The following ZNF185 variants were observed in gnomAD, a reference collection of about 807,000 sequenced individuals.
ZNF185 encodes zinc finger protein 185.
ZNF185 carries 56 observed loss-of-function variants against 58.6 expected under a neutral mutation model. That is an observed-to-expected ratio of 0.95 (90% CI 0.77 to 1.19). The LOEUF is 1.19. ZNF185 is among the 50% of genes most tolerant of loss of function. The probability of loss-of-function intolerance (pLI) is 0.00; values close to 1 mark genes in which losing one functional copy is unlikely to be tolerated. For missense variants in ZNF185, 627 were observed against 573.5 expected (o/e 1.09, Z -0.95); for synonymous variants, 230 against 215.9 (o/e 1.07, Z -0.57).
At chrX:152,967,074 T>C in intron 19 of ZNF185, 93 bp from the exon 22 acceptor site, 1 of 893,352 alleles carries the variant, frequency 1.1e-6, no homozygotes, top group Non-Finnish European at 1.6e-6. Context: ...TAGTTATGTC[T>C]CAGCTTGTGG....
intron 15 of ZNF185, among the ~76,000 whole-genome samples, chrX:152,939,049 G>A (rs1244089797): frequency 9.0e-6 from 1 of 111,640 alleles, no homozygotes; most frequent in Non-Finnish European, 1.9e-5. Context: ...AGTGAGGAGG[G>A]CCACAGATGG....
intron 14 of ZNF185, 132 bp from the exon 17 acceptor site, chrX:152,937,942 G>A: frequency 1.7e-6 from 1 of 571,960 alleles, no homozygotes; most frequent in Non-Finnish European, 2.8e-6. Context: ...CTAATGCCAG[G>A]ACTGAGACAC....
At chrX:152,941,723 C>G (rs782516561) in intron 15 of ZNF185, 1 of 1,164,269 alleles carries the variant, frequency 8.6e-7, no homozygotes. Context: ...CCGCCCGGGA[C>G]GAGCTCGGCC....
At position 152,938,217 on chromosome X, in the gene ZNF185, G is replaced by C. The variant is rs193238890; in HGVS notation, c.1211+54G>C. On this transcript the variant is annotated intron_variant, in intron 15 of 22. Transcript: ENST00000449285. ...TCTGGGGTGGAGAGAGGCAGCTTGGGCTGTGTGTCCATTGGCCTTTGGCTG... is the reference window on the plus strand; with the variant it reads ...TCTGGGGTGGAGAGAGGCAGCTTGGCCTGTGTGTCCATTGGCCTTTGGCTG... The C allele has an allele frequency of 1.3e-3, 1,394 of 1,108,052 alleles. 25 individuals carry two copies. In the African/African-American group the frequency reaches 0.022, roughly 17 times the overall value. 91.3% of individuals were successfully genotyped at this position (1,108,052 alleles called of 1,213,427 possible).
intron 19 of ZNF185, among the ~76,000 whole-genome samples, chrX:152,966,398 T>C (rs1556914733): frequency 9.0e-6 from 1 of 111,410 alleles, no homozygotes; most frequent in Non-Finnish European, 1.9e-5. Flanking sequence ...TGACATGTCA[T>C]CTCACTGGAG....
exon 5 of ZNF185, chrX:152,917,322 C>A (rs781993519): frequency 1.7e-6 from 2 of 1,211,862 alleles, no homozygotes; most frequent in Non-Finnish European, 1.1e-6. Context: ...CTCTTCCCAG[C>A]CCCAGCAGCA....
intron 18 of ZNF185, among the ~76,000 whole-genome samples, chrX:152,965,236 A>T (rs1277117948): frequency 7.1e-5 from 8 of 112,190 alleles, no homozygotes; most frequent in African/African-American, 2.6e-4. Context: ...TGGGGCCCTC[A>T]GTCCAAACAC....
At chrX:152,937,445 G>A (rs1009684078) in intron 14 of ZNF185, among the ~76,000 whole-genome samples, 4 of 111,022 alleles carry the variant, frequency 3.6e-5, no homozygotes, top group Non-Finnish European at 7.5e-5. Flanking sequence ...CCCTGGGCAC[G>A]GGCAAGCCAA....
chrX:152,916,240 T>C (rs1302685796), intron 3 of ZNF185, among the ~76,000 whole-genome samples: 2 of 111,444 alleles, frequency 1.8e-5, no homozygotes, highest in African/African-American at 6.5e-5. Context: ...GTGTTGCCCT[T>C]GACCCAAACC....
At chrX:152,944,885 T>G (rs1285777032) in intron 15 of ZNF185, among the ~76,000 whole-genome samples, 1 of 111,780 alleles carries the variant, frequency 8.9e-6, no homozygotes, top group Non-Finnish European at 1.9e-5. Flanking sequence ...TCTCTGCTAC[T>G]CAGAAGGCTG....
the ZNF185 span, among the ~76,000 whole-genome samples, chrX:152,906,528 A>G: frequency 1.8e-5 from 2 of 112,973 alleles, no homozygotes; most frequent in Non-Finnish European, 3.8e-5. Flanking sequence ...TGACAGATCC[A>G]TATTTGGTCC....
At chrX:152,947,207 C>G (rs542951714) in intron 16 of ZNF185, among the ~76,000 whole-genome samples, 1 of 110,849 alleles carries the variant, frequency 9.0e-6, no homozygotes, top group African/African-American at 3.3e-5. Flanking sequence ...ACAGCAAGAC[C>G]CCATTTCTAC....
At chrX:152,958,924 C>G (rs946156893) in intron 16 of ZNF185, among the ~76,000 whole-genome samples, 5 of 112,288 alleles carry the variant, frequency 4.5e-5, no homozygotes, top group African/African-American at 1.6e-4. Flanking sequence ...GTGAGTACGC[C>G]TGCGCGTGCC....
intron 16 of ZNF185, among the ~76,000 whole-genome samples, chrX:152,954,408 G>A (rs986654775): frequency 4.5e-5 from 5 of 111,803 alleles, no homozygotes; most frequent in Middle Eastern, 9.2e-3. Flanking sequence ...CAAAGGAGAG[G>A]GTAAAAAGCA....
intron 15 of ZNF185, chrX:152,941,617 G>A: frequency 4.4e-6 from 5 of 1,128,797 alleles, no homozygotes; most frequent in Non-Finnish European, 5.9e-6. Flanking sequence ...GCACGCGCCC[G>A]TAGTGAGTAC....
At chrX:152,944,930 G>C (rs896667407) in intron 15 of ZNF185, among the ~76,000 whole-genome samples, 2 of 112,975 alleles carry the variant, frequency 1.8e-5, no homozygotes, top group Non-Finnish European at 3.7e-5. Flanking sequence ...GGAGGCAGAG[G>C]TTGCAGTGAG....
chrX:152,973,160 G>C (rs920916107), exon 23 of ZNF185: 7 of 111,968 alleles, frequency 6.3e-5, no homozygotes, highest in Admixed American at 3.8e-4. Context: ...TGCTATCCCT[G>C]AGTCTCAGTG....
At chrX:152,961,259 G>T (rs1463806424) in intron 17 of ZNF185, among the ~76,000 whole-genome samples, 1 of 111,929 alleles carries the variant, frequency 8.9e-6, no homozygotes, top group Non-Finnish European at 1.9e-5. Flanking sequence ...TTCAGGAACA[G>T]GGTGAGGAGA....
chrX:152,963,315 G>A (rs184358919), intron 17 of ZNF185, among the ~76,000 whole-genome samples: 3 of 112,885 alleles, frequency 2.7e-5, no homozygotes, highest in Non-Finnish European at 5.6e-5. Flanking sequence ...CTTCGACACC[G>A]GTCAGTTTCC....
Sources: allele counts gnomAD v4.1 joint callset (sites outside exome capture counted in the v4.1 genomes callset), GRCh38; gene constraint gnomAD v4.1.1; transcripts MANE v1.5; gene names NCBI Gene and HGNC (gene_info 2026-07-23, HGNC 2026-07-21).